MCPH1: variants seen among roughly 807,000 people sequenced by gnomAD.
MCPH1 encodes microcephalin 1.
In MCPH1, 104 loss-of-function variants were observed where a neutral mutation model predicts 84.5. The ratio of observed to expected loss-of-function variants is 1.23; its 90% CI spans 1.05 to 1.45. The LOEUF (loss-of-function observed/expected upper bound fraction) is 1.45, where lower values mean the gene tolerates loss of function less well. Among genes scored for constraint, MCPH1 ranks in the 40% most tolerant of loss-of-function variants. MCPH1 has a pLI of 0.00. For synonymous variants in MCPH1, 514 were observed against 366.8 expected (o/e 1.40, Z -4.58); for missense variants, 1,498 against 1,005.7 (o/e 1.49, Z -6.62).
intron 12 of MCPH1, among the ~76,000 whole-genome samples, chr8:6,577,988 C>T (rs973242015): frequency 4.6e-5 from 7 of 152,198 alleles, no homozygotes; most frequent in African/African-American, 7.2e-5. Flanking sequence ...TGTGAGACAG[C>T]GGGATGTCCT....
intron 11 of MCPH1, chr8:6,499,554 T>A (rs556512880): frequency 7.5e-4 from 126 of 167,954 alleles, no homozygotes; most frequent in Non-Finnish European, 1.3e-3. Flanking sequence ...GAATTAAAAA[T>A]ATATATATAA....
Position 6,445,290 on chromosome 8 carries a change from A to G in MCPH1, c.1568A>G (p.Asn523Ser), listed in dbSNP as rs1175866566. The change falls in exon 8 of 14, where the codon AAT becomes AGT. Residue 523 changes from asparagine to serine, a missense_variant. Asn to Ser is a conservative substitution (Grantham distance 46, BLOSUM62 1). Transcript: ENST00000344683. ...AAAGAAGACGCATGCCCAGAGGGAA[A>G]TGGCTTTTCTTACACCATTGAGGAC... ...AGKEDACPEGNGFSYTIEDPA... is the reference protein window; with the variant it reads ...AGKEDACPEGSGFSYTIEDPA... The G allele has an allele frequency of 9.3e-6, 15 of 1,614,096 alleles. No individual in the cohort carries two copies. Among genetic ancestry groups the G allele is most frequent in the Middle Eastern group, 1.6e-4 (1 of 6,084 alleles).
At chr8:6,464,707 T>G (rs925830633) in intron 9 of MCPH1, among the ~76,000 whole-genome samples, 8 of 152,298 alleles carry the variant, frequency 5.3e-5, no homozygotes, top group South Asian at 2.1e-4. Context: ...ATTTAAGATC[T>G]GCTGCTTTGG....
rs536897692 is a variant in MCPH1 at position 6,566,987 on chromosome 8, A to G, written c.2215-54467A>G. Among the ~76,000 whole-genome samples the G allele has an allele frequency of 1.6e-4, 22 of 133,416 alleles. 1 individual carries two copies. The highest frequency in any genetic ancestry group is 3.1e-4 in the Non-Finnish European group (20 of 63,712). 87.5% of individuals were successfully genotyped at this position (133,416 alleles called of 152,430 possible). On this transcript the variant is annotated intron_variant, in intron 12 of 13. Transcript: ENST00000344683. Reference sequence around the variant, plus strand: ...CATGGATAGTACACGCGGTGCGGTGACGGTGTGTGATCGGCAAGGCCATAG... The same window carrying G: ...CATGGATAGTACACGCGGTGCGGTGGCGGTGTGTGATCGGCAAGGCCATAG...
intron 12 of MCPH1, among the ~76,000 whole-genome samples, chr8:6,517,304 A>T (rs1351962860): frequency 6.6e-6 from 1 of 152,214 alleles, no homozygotes; most frequent in Non-Finnish European, 1.5e-5. Flanking sequence ...TCAGCAAATA[A>T]TACTTGACTT....
intron 12 of MCPH1, chr8:6,621,121 G>GT: frequency 2.6e-6 from 1 of 378,188 alleles, no homozygotes; most frequent in African/African-American, 2.1e-5. Context: ...AGTTACTTTA[G>GT]TGAGAGTTCA....
At position 6,444,854 on chromosome 8, in the gene MCPH1, A is replaced by G. The variant is rs750182509; in HGVS notation, c.1132A>G (p.Arg378Gly). 6.2e-7 allele frequency: 1 copy of G among 1,614,118 alleles called. No individual in the cohort carries two copies. Among genetic ancestry groups the G allele is most frequent in the Non-Finnish European group, 8.5e-7 (1 of 1,180,052 alleles). ...AAAATGCAAGAGAAAGAGGAGCACC[A>G]GGAGATCTATCATGCCGAGGCTGCA... Reference protein sequence around the residue: ...KEKCKRKRSTRRSIMPRLQLC... With the variant: ...KEKCKRKRSTGRSIMPRLQLC... Residue 378 changes from arginine to glycine, a missense_variant, in exon 8 of 14, where the codon AGG becomes GGG. Coordinates refer to ENST00000344683, the MANE Select transcript of MCPH1 (RefSeq NM_024596.5).
chr8:6,508,657 G>A (rs1023678351), intron 12 of MCPH1: 1 of 588,008 alleles, frequency 1.7e-6, no homozygotes, highest in African/African-American at 1.9e-5. Flanking sequence ...ACGCAGGAGA[G>A]CTTGCTAAGA....
intron 12 of MCPH1, among the ~76,000 whole-genome samples, chr8:6,594,238 G>A (rs952083536): frequency 3.3e-5 from 5 of 152,194 alleles, no homozygotes; most frequent in Admixed American, 6.5e-5. Flanking sequence ...CCTGGACAGC[G>A]TTTCTATTAA....
Position 6,647,385 on chromosome 8 carries a change from A to G in MCPH1, c.*4336A>G, listed in dbSNP as rs765201079. On this transcript the variant is annotated 3_prime_UTR_variant, in exon 14 of 14. Transcript: ENST00000344683. Reference sequence around the variant, plus strand: ...ATTTGGCAGTTGCTTAAAAAATTGAACATTCAACTACCATATGACCCAGCA... The same window carrying G: ...ATTTGGCAGTTGCTTAAAAAATTGAGCATTCAACTACCATATGACCCAGCA... 2 of 152,206 alleles carry G rather than the reference A, an allele frequency of 1.3e-5. No individual in the cohort carries two copies. Among genetic ancestry groups the G allele is most frequent in the Non-Finnish European group, 2.9e-5 (2 of 68,038 alleles). 9.4% of individuals were successfully genotyped at this position (152,206 alleles called of 1,614,324 possible).
At chr8:6,602,766 T>C (rs1829474012) in intron 12 of MCPH1, among the ~76,000 whole-genome samples, 1 of 152,158 alleles carries the variant, frequency 6.6e-6, no homozygotes, top group African/African-American at 2.4e-5. Context: ...TATTTTACTC[T>C]TTTTAACTCT....
At chr8:6,603,934 T>A (rs1829558812) in intron 12 of MCPH1, among the ~76,000 whole-genome samples, 1 of 152,178 alleles carries the variant, frequency 6.6e-6, no homozygotes, top group African/African-American at 2.4e-5. Context: ...AATAATTTGG[T>A]GAAGATATCA....
intron 9 of MCPH1, among the ~76,000 whole-genome samples, chr8:6,475,593 T>C (rs1268291424): frequency 6.6e-6 from 1 of 152,088 alleles, no homozygotes. Flanking sequence ...TACTTCCAGA[T>C]CCTAGAGAGG....
intron 3 of MCPH1, among the ~76,000 whole-genome samples, chr8:6,428,448 G>A (rs2129553594): frequency 6.6e-6 from 1 of 152,274 alleles, no homozygotes; most frequent in East Asian, 1.9e-4. Context: ...ACAGAGTTGT[G>A]CAACCGTCAC....
At chr8:6,479,805 T>C (rs1808956877) in intron 10 of MCPH1, among the ~76,000 whole-genome samples, 2 of 152,156 alleles carry the variant, frequency 1.3e-5, no homozygotes, top group Non-Finnish European at 2.9e-5. Context: ...ACGGAAAGAA[T>C]ATATTTTTTT....
intron 12 of MCPH1, among the ~76,000 whole-genome samples, chr8:6,542,964 C>T (rs928257588): frequency 6.6e-6 from 1 of 152,134 alleles, no homozygotes; most frequent in Admixed American, 6.5e-5. Context: ...ATAAGGCCGG[C>T]AGGAAGCGTG....
At chr8:6,536,438 G>C (rs1409682841) in intron 12 of MCPH1, among the ~76,000 whole-genome samples, 1 of 152,060 alleles carries the variant, frequency 6.6e-6, no homozygotes, top group Non-Finnish European at 1.5e-5. Flanking sequence ...AAATTGGCTT[G>C]AGTATGCCTT....
At chr8:6,519,884 T>G (rs1334671934) in intron 12 of MCPH1, 1 of 1,613,958 alleles carries the variant, frequency 6.2e-7, no homozygotes, top group Non-Finnish European at 8.5e-7. Flanking sequence ...TCTGTAGAAT[T>G]AGGGAATGTT....
intron 12 of MCPH1, among the ~76,000 whole-genome samples, chr8:6,565,053 C>T (rs978679683): frequency 2.1e-4 from 32 of 152,128 alleles, no homozygotes; most frequent in African/African-American, 4.8e-4. Context: ...TATACCCATC[C>T]GGACAGTGCA....
Sources: gnomAD v4.1 joint callset for allele counts (sites outside exome capture counted in the v4.1 genomes callset) on GRCh38, gnomAD v4.1.1 for gene constraint, MANE v1.5 for transcripts, NCBI Gene and HGNC (gene_info 2026-07-23, HGNC 2026-07-21) for gene names.